Variants in MICAL2 observed in about 807,000 individuals in gnomAD.
The protein encoded by MICAL2 is [F-actin]-monooxygenase MICAL2.
MICAL2 carries 77 observed loss-of-function variants against 127.3 expected under a neutral mutation model. The ratio of observed to expected loss-of-function variants is 0.60; its 90% confidence interval spans 0.50 to 0.73. MICAL2 has a LOEUF of 0.73. Among genes scored for constraint, MICAL2 ranks in the 30% least tolerant of loss-of-function variants. MICAL2 has a pLI of 0.00. For missense variants in MICAL2, 1,351 were observed against 1,434.4 expected (o/e 0.94, Z 0.94); for synonymous variants, 570 against 551.1 (o/e 1.03, Z -0.48).
intron 24 of MICAL2, among the ~76,000 whole-genome samples, chr11:12,257,581 C>T (rs1338812946): frequency 6.6e-6 from 1 of 152,152 alleles, no homozygotes; most frequent in African/African-American, 2.4e-5. Flanking sequence ...GCCTGGGTTC[C>T]ACTCCAGAGT....
intron 29 of MICAL2, among the ~76,000 whole-genome samples, chr11:12,316,630 G>T (rs1486436297): frequency 6.7e-6 from 1 of 149,828 alleles, no homozygotes; most frequent in African/African-American, 2.5e-5. Context: ...GTCATTTCTG[G>T]GTCTGCTTTT....
At chr11:12,235,389 T>C (rs1439759586) in intron 15 of MICAL2, among the ~76,000 whole-genome samples, 1 of 152,078 alleles carries the variant, frequency 6.6e-6, no homozygotes, top group Non-Finnish European at 1.5e-5. Flanking sequence ...GAGAGTGGGC[T>C]GTGAGGCGTT....
chr11:12,111,149 C>G (rs1056380972), intron 1 of MICAL2, among the ~76,000 whole-genome samples: 2 of 152,240 alleles, frequency 1.3e-5, no homozygotes, highest in African/African-American at 4.8e-5. Context: ...ACGCCCCGTT[C>G]CAGCTCTTCA....
At chr11:12,330,879 G>GAC (rs1864415375) in intron 32 of MICAL2, among the ~76,000 whole-genome samples, 1 of 126,346 alleles carries the variant, frequency 7.9e-6, no homozygotes, top group Non-Finnish European at 1.7e-5. Context: ...GAGAGAGAGA[G>GAC]AGACAGAGAG....
chr11:12,329,036 A>G (rs1864385431), intron 32 of MICAL2, among the ~76,000 whole-genome samples: 1 of 152,208 alleles, frequency 6.6e-6, no homozygotes, highest in East Asian at 1.9e-4. Context: ...TCTTGTTGGT[A>G]AATTGGGAGT....
At chr11:12,334,526 G>T (rs919667593) in intron 32 of MICAL2, among the ~76,000 whole-genome samples, 6 of 151,212 alleles carry the variant, frequency 4.0e-5, no homozygotes, top group Non-Finnish European at 7.4e-5. Context: ...ATGTATACAT[G>T]TGCCATGTTG....
chr11:12,231,968 G>A (rs1041241065), intron 15 of MICAL2, among the ~76,000 whole-genome samples: 1 of 152,208 alleles, frequency 6.6e-6, no homozygotes, highest in Non-Finnish European at 1.5e-5. Flanking sequence ...TCTGCTGGGG[G>A]TCTGGCAAAT....
intron 31 of MICAL2, among the ~76,000 whole-genome samples, chr11:12,324,517 A>G (rs1327132471): frequency 6.6e-6 from 1 of 152,284 alleles, no homozygotes. Context: ...TAGCATTCCA[A>G]TACAGATTTC....
At chr11:12,203,217 G>A (rs1185363832) in intron 3 of MICAL2, among the ~76,000 whole-genome samples, 2 of 152,172 alleles carry the variant, frequency 1.3e-5, no homozygotes, top group African/African-American at 4.8e-5. Flanking sequence ...ACGCCGCCAT[G>A]AACATTCACG....
intron 34 of MICAL2, among the ~76,000 whole-genome samples, chr11:12,357,312 G>C (rs1018471746): frequency 6.6e-6 from 1 of 152,172 alleles, no homozygotes; most frequent in Non-Finnish European, 1.5e-5. Flanking sequence ...CCTGTTTTCT[G>C]TGTCCAAAGC....
At chr11:12,113,787 TC>T (rs1246911206) in intron 1 of MICAL2, among the ~76,000 whole-genome samples, 1 of 152,104 alleles carries the variant, frequency 6.6e-6, no homozygotes, top group East Asian at 1.9e-4. Flanking sequence ...TTTGGTACTA[TC>T]CAAGGTTTCA....
chr11:12,288,819 A>G (rs926597401), downstream of MICAL2, among the ~76,000 whole-genome samples: 8 of 151,890 alleles, frequency 5.3e-5, no homozygotes, highest in East Asian at 1.6e-3. Flanking sequence ...GCCTTGCAAA[A>G]CCTCCAAGTT....
chr11:12,215,586 A>G (rs561134765), intron 7 of MICAL2, among the ~76,000 whole-genome samples: 25 of 152,344 alleles, frequency 1.6e-4, no homozygotes, highest in African/African-American at 4.8e-4. Context: ...GCTGTTGGCC[A>G]GAGACCTCCC....
intron 2 of MICAL2, among the ~76,000 whole-genome samples, chr11:12,144,138 C>T (rs1484810071): frequency 6.6e-6 from 1 of 152,198 alleles, no homozygotes; most frequent in African/African-American, 2.4e-5. Flanking sequence ...TCTAAGACTT[C>T]TTGGTCTTGT....
chr11:12,344,208 A>C (rs926764447), intron 32 of MICAL2, among the ~76,000 whole-genome samples: 12 of 152,262 alleles, frequency 7.9e-5, no homozygotes, highest in East Asian at 7.7e-4. Context: ...AGGCAGGAGA[A>C]TCTCTTGAAC....
intron 3 of MICAL2, among the ~76,000 whole-genome samples, chr11:12,187,883 G>C (rs1051671709): frequency 6.6e-6 from 1 of 151,966 alleles, no homozygotes; most frequent in African/African-American, 2.4e-5. Flanking sequence ...GGGGTAGGCG[G>C]GTTGTTGATA....
chr11:12,299,436 GA>G (rs2134800831), intron 29 of MICAL2, among the ~76,000 whole-genome samples: 1 of 152,258 alleles, frequency 6.6e-6, no homozygotes, highest in South Asian at 2.1e-4. Context: ...ATGATCATTT[GA>G]ATAAGAGCCA....
In MICAL2 at chr11:12,249,206, T is replaced by A; in HGVS notation, c.2807T>A (p.Phe936Tyr). Residue 936 changes from phenylalanine to tyrosine, a missense_variant, in exon 22 of 28, where the codon TTC becomes TAC. Around this residue, in one of 2 missense-constraint regions of MICAL2, gnomAD observed 752 missense variants for 719.4 expected, o/e 1.05. Coordinates refer to ENST00000683283, the MANE Select transcript of MICAL2 (RefSeq NM_001282663.2). ...AAGGAAAAGAAGTCACCTTCAGGGTTCCATTTTCATCCCAGCCATTTGAGA... is the reference window on the plus strand; with the variant it reads ...AAGGAAAAGAAGTCACCTTCAGGGTACCATTTTCATCCCAGCCATTTGAGA... ...ARKEKKSPSG[F>Y]HFHPSHLRTV... 1 of 1,613,036 alleles carries A rather than the reference T, an allele frequency of 6.2e-7. No individual in the cohort carries two copies. Among genetic ancestry groups the A allele is most frequent in the South Asian group, 1.1e-5 (1 of 91,034 alleles).
intron 30 of MICAL2, chr11:12,323,850 C>T (rs1035093816): frequency 2.8e-5 from 29 of 1,053,482 alleles, no homozygotes; most frequent in South Asian, 3.5e-5. Flanking sequence ...TACCAGATGT[C>T]GTTATTTTAG....
Sources: gnomAD v4.1 joint callset for allele counts (sites outside exome capture counted in the v4.1 genomes callset) on GRCh38, gnomAD v4.1.1 for gene constraint, gnomAD v4.1.1 regional missense constraint, MANE v1.5 for transcripts, NCBI Gene and HGNC (gene_info 2026-07-23, HGNC 2026-07-21) for gene names.